The following SLC8A1 variants were observed in gnomAD, a reference collection of about 807,000 sequenced individuals.
SLC8A1 encodes sodium/calcium exchanger 1.
SLC8A1 carries 18 observed loss-of-function variants against 68.3 expected under a neutral mutation model. The ratio of observed to expected loss-of-function variants is 0.26; its 90% CI spans 0.18 to 0.39. The LOEUF (loss-of-function observed/expected upper bound fraction) is 0.39, where lower values mean the gene tolerates loss of function less well. SLC8A1 is among the 10% of genes least tolerant of loss of function. The probability of loss-of-function intolerance (pLI) is 1.00; values close to 1 mark genes in which losing one functional copy is unlikely to be tolerated. For synonymous variants in SLC8A1, 475 were observed against 415.5 expected, an observed-to-expected ratio of 1.14 and a Z score of -1.74; for missense variants, 985 against 1,156.7, an observed-to-expected ratio of 0.85 and a Z score of 2.15.
chr2:40,310,622 T>G (rs1446682011), intron 2 of SLC8A1, among the ~76,000 whole-genome samples: 2 of 152,096 alleles, frequency 1.3e-5, no homozygotes, highest in Non-Finnish European at 2.9e-5. Context: ...GGAGAAAAAT[T>G]TAGAGCTATA....
chr2:40,431,294 T>A (rs1698237729), intron 1 of SLC8A1, among the ~76,000 whole-genome samples: 1 of 151,944 alleles, frequency 6.6e-6, no homozygotes, highest in Admixed American at 6.6e-5. Flanking sequence ...AAATACATAT[T>A]AGTTCTGTCG....
chr2:40,473,489 TTTA>T (rs1432397829), intron 1 of SLC8A1, among the ~76,000 whole-genome samples: 2 of 152,216 alleles, frequency 1.3e-5, no homozygotes, highest in East Asian at 3.8e-4. Context: ...TGTTAACTTA[TTTA>T]TTATTAATCT....
At chr2:40,196,780 A>G (rs1389961180) in intron 2 of SLC8A1, among the ~76,000 whole-genome samples, 1 of 151,994 alleles carries the variant, frequency 6.6e-6, no homozygotes, top group Non-Finnish European at 1.5e-5. Context: ...ACACTTTTCC[A>G]TGACGCTTTC....
intron 2 of SLC8A1, among the ~76,000 whole-genome samples, chr2:40,182,406 T>A (rs1051536303): frequency 2.0e-5 from 3 of 152,196 alleles, no homozygotes; most frequent in Non-Finnish European, 2.9e-5. Flanking sequence ...GCAAAGCAGT[T>A]ACAAATCTTA....
intron 2 of SLC8A1, among the ~76,000 whole-genome samples, chr2:40,410,025 A>G (rs1416394763): frequency 1.3e-5 from 2 of 152,058 alleles, no homozygotes; most frequent in Non-Finnish European, 2.9e-5. Context: ...GGGAGGGGAG[A>G]AGGAATACAG....
At chr2:40,346,522 C>CA (rs1278925816) in intron 2 of SLC8A1, among the ~76,000 whole-genome samples, 3 of 152,142 alleles carry the variant, frequency 2.0e-5, no homozygotes, top group Non-Finnish European at 4.4e-5. Flanking sequence ...ATGCCGCCGT[C>CA]AGAGTTATTT....
chr2:40,318,822 A>G (rs2074822511), intron 2 of SLC8A1, among the ~76,000 whole-genome samples: 1 of 152,138 alleles, frequency 6.6e-6, no homozygotes, highest in South Asian at 2.1e-4. Context: ...TCAAGTGCCT[A>G]CTGTGTGCAA....
intron 2 of SLC8A1, among the ~76,000 whole-genome samples, chr2:40,327,611 T>C (rs752300410): frequency 2.6e-5 from 4 of 152,098 alleles, no homozygotes; most frequent in African/African-American, 7.2e-5. Context: ...TGCAGCAACA[T>C]GGATGCAGCT....
At chr2:40,280,672 T>A (rs1478218945) in intron 2 of SLC8A1, among the ~76,000 whole-genome samples, 2 of 152,096 alleles carry the variant, frequency 1.3e-5, no homozygotes, top group African/African-American at 4.8e-5. Context: ...AGGTCACACA[T>A]CAATAATTAA....
intron 1 of SLC8A1, among the ~76,000 whole-genome samples, chr2:40,483,888 T>C (rs769440593): frequency 2.2e-4 from 34 of 152,342 alleles, no homozygotes; most frequent in Non-Finnish European, 4.1e-4. Context: ...GTATCAGCCC[T>C]GAATTGCTTA....
At chr2:40,352,336 C>T (rs1308558793) in intron 2 of SLC8A1, among the ~76,000 whole-genome samples, 1 of 152,018 alleles carries the variant, frequency 6.6e-6, no homozygotes, top group Non-Finnish European at 1.5e-5. Flanking sequence ...TAAAAATATG[C>T]CATTATGTTT....
intron 2 of SLC8A1, chr2:40,209,070 T>C (rs1376520001): frequency 1.3e-5 from 2 of 152,210 alleles, no homozygotes; most frequent in Admixed American, 6.5e-5. Context: ...CCTTGTCCTG[T>C]CCTTGAGATG....
intron 7 of SLC8A1, among the ~76,000 whole-genome samples, chr2:40,134,536 A>C (rs1244034767): frequency 6.6e-6 from 1 of 152,174 alleles, no homozygotes. Flanking sequence ...AAGAGGAAAA[A>C]TGTTTGTTCT....
intron 2 of SLC8A1, among the ~76,000 whole-genome samples, chr2:40,313,312 A>T (rs1395185936): frequency 6.6e-6 from 1 of 152,106 alleles, no homozygotes; most frequent in African/African-American, 2.4e-5. Context: ...ATTGCTGTGT[A>T]TGGAAATGGT....
At chr2:40,107,296 A>AAAAAAAAAAAAAAAG (rs1558384318) in exon 8 of SLC8A1, 2 of 135,348 alleles carry the variant, frequency 1.5e-5, no homozygotes, top group African/African-American at 5.0e-5. Context: ...AAAAAAAAAA[A>AAAAAAAAAAAAAAAG]AAAGAAAATG....
At position 40,377,086 on chromosome 2, in the gene SLC8A1, T is replaced by C. The variant is rs73926636; in HGVS notation, c.1808+51387A>G. On this transcript the variant is annotated intron_variant, in intron 2 of 7. Transcript: ENST00000406785. ...ATGGCAAAAGTGAAGAAAGTGTGCA[T>C]ATGTAATTAAGGTCCTTAATTATTT... Among the ~76,000 whole-genome samples the C allele has an allele frequency of 2.2e-3, 340 of 152,098 alleles. 2 individuals carry two copies. The highest frequency in any genetic ancestry group is 7.8e-3 in the African/African-American group (325 of 41,498).
intron 2 of SLC8A1, among the ~76,000 whole-genome samples, chr2:40,249,744 A>G (rs2062446999): frequency 6.6e-6 from 1 of 152,238 alleles, no homozygotes; most frequent in Non-Finnish European, 1.5e-5. Flanking sequence ...AATCACTTAA[A>G]TACTGAGAGG....
intron 2 of SLC8A1, among the ~76,000 whole-genome samples, chr2:40,389,131 G>A (rs2041760): frequency 0.37 from 56,748 of 151,902 alleles, 11,689 homozygotes; most frequent in Non-Finnish European, 0.46. Context: ...CACAGGGATG[G>A]CCTGAAGCTT....
exon 2 of SLC8A1, chr2:40,429,624 G>A (rs1697796279): frequency 6.2e-7 from 1 of 1,613,644 alleles, no homozygotes; most frequent in Admixed American, 1.7e-5. Flanking sequence ...ACAAAATAAT[G>A]TAAAGCCAGG....
Sources: allele counts gnomAD v4.1 joint callset (sites outside exome capture counted in the v4.1 genomes callset), GRCh38; gene constraint gnomAD v4.1.1; transcripts MANE v1.5; gene names NCBI Gene and HGNC (gene_info 2026-07-23, HGNC 2026-07-21).